The following PKHD1 variants were observed in gnomAD, a reference collection of about 807,000 sequenced individuals.
The protein encoded by PKHD1 is fibrocystin.
PKHD1 carries 291 observed loss-of-function variants against 412.0 expected under a neutral mutation model. The observed-to-expected ratio is 0.71, with a 90% CI of 0.64 to 0.78. The LOEUF is 0.78. Among genes scored for constraint, PKHD1 ranks in the 30% least tolerant of loss-of-function variants. The pLI is 0.00. For synonymous variants in PKHD1, 1,777 were observed against 1,821.5 expected (o/e 0.98, Z 0.62); for missense variants, 4,825 against 4,950.7 (o/e 0.97, Z 0.76).
intron 36 of PKHD1, among the ~76,000 whole-genome samples, chr6:51,957,357 T>C (rs1791302757): frequency 6.6e-6 from 1 of 152,130 alleles, no homozygotes; most frequent in Admixed American, 6.6e-5. Context: ...TTCTATCTCA[T>C]GGTAAGCCCT....
intron 43 of PKHD1, among the ~76,000 whole-genome samples, chr6:51,896,203 C>A (rs1247917230): frequency 2.0e-5 from 3 of 151,308 alleles, no homozygotes; most frequent in African/African-American, 7.4e-5. Flanking sequence ...GTAGGCTCCA[C>A]CTCTGGGGGC....
At position 52,024,854 on chromosome 6, in the gene PKHD1, A is replaced by G. The variant is rs752133893; in HGVS notation, c.4956T>C (p.Tyr1652=). The G allele has an allele frequency of 2.5e-6, 4 of 1,614,094 alleles. No homozygotes were observed. The highest frequency in any genetic ancestry group is 3.3e-5 in the Admixed American group (2 of 59,998). ...TCAATTCTGGGGTAAAGGCCTTGTT[A>G]TAACCAATGACTCCTATGTGATACC... ...GLWYHIGVIG[Y]NKAFTPELIS... Residue 1652 remains tyrosine, a synonymous_variant, in exon 32 of 67, where the codon TAT becomes TAC. Transcript: ENST00000371117.
At chr6:51,968,504 T>C (rs1793180090) in intron 35 of PKHD1, among the ~76,000 whole-genome samples, 1 of 152,206 alleles carries the variant, frequency 6.6e-6, no homozygotes, top group Admixed American at 6.6e-5. Context: ...CCTTACATTT[T>C]GATCAGAACC....
At chr6:51,947,653 C>A (rs1426822518) in intron 36 of PKHD1, among the ~76,000 whole-genome samples, 1 of 152,138 alleles carries the variant, frequency 6.6e-6, no homozygotes, top group Admixed American at 6.5e-5. Flanking sequence ...ATCATCCCAA[C>A]CACTGACACT....
chr6:51,800,823 A>G (rs980837656), intron 52 of PKHD1, among the ~76,000 whole-genome samples: 4 of 152,200 alleles, frequency 2.6e-5, no homozygotes, highest in African/African-American at 9.6e-5. Flanking sequence ...TTGTCAGGAA[A>G]GCAGCCTGTA....
chr6:51,836,525 G>A (rs1769257295), intron 50 of PKHD1, 56 bp from the exon 51 acceptor site: 6 of 1,230,886 alleles, frequency 4.9e-6, no homozygotes. Context: ...TAATATTAAA[G>A]ACAGTCACAC....
At chr6:52,077,530 A>G (rs1327438906) in intron 5 of PKHD1, among the ~76,000 whole-genome samples, 1 of 152,222 alleles carries the variant, frequency 6.6e-6, no homozygotes, top group Non-Finnish European at 1.5e-5. Flanking sequence ...CCAGCACCTC[A>G]GGAGTCTACC....
intron 16 of PKHD1, 33 bp downstream of exon 16, chr6:52,058,290 T>C: frequency 3.1e-6 from 5 of 1,611,990 alleles, no homozygotes; most frequent in Non-Finnish European, 4.2e-6. Context: ...CCTTCCAGAG[T>C]TCAGCTCCAT....
intron 35 of PKHD1, among the ~76,000 whole-genome samples, chr6:51,962,192 AT>A (rs1340918483): frequency 6.6e-6 from 1 of 152,140 alleles, no homozygotes; most frequent in Non-Finnish European, 1.5e-5. Flanking sequence ...CTTCAGCAGC[AT>A]AACGCTTTCT....
chr6:51,884,561 T>C (rs1777902196), intron 45 of PKHD1, among the ~76,000 whole-genome samples: 2 of 152,332 alleles, frequency 1.3e-5, no homozygotes, highest in South Asian at 4.1e-4. Flanking sequence ...TTCTTCACTA[T>C]AAAAGTGCAA....
At chr6:51,770,013 TTTA>T (rs1789799821) in intron 55 of PKHD1, among the ~76,000 whole-genome samples, 1 of 143,484 alleles carries the variant, frequency 7.0e-6, no homozygotes, top group African/African-American at 2.8e-5. Flanking sequence ...ATTATTAAAA[TTTA>T]TTAAGGTAAT....
chr6:51,737,473 T>A (rs1783998663), intron 60 of PKHD1, among the ~76,000 whole-genome samples: 1 of 152,214 alleles, frequency 6.6e-6, no homozygotes, highest in Non-Finnish European at 1.5e-5. Context: ...TTCCTGAATC[T>A]TTTTAGCTAA....
intron 60 of PKHD1, among the ~76,000 whole-genome samples, chr6:51,670,631 T>C (rs1774770846): frequency 6.6e-6 from 1 of 152,094 alleles, no homozygotes; most frequent in Non-Finnish European, 1.5e-5. Flanking sequence ...TCATGCAGTT[T>C]CTTCCTAGTC....
Position 51,791,299 on chromosome 6 carries a change from C to T in PKHD1, c.8377G>A (p.Val2793Met). 6.2e-7 allele frequency: 1 copy of T among 1,613,906 alleles called. No individual in the cohort carries two copies. Reference protein sequence around the residue: ...LYVMGTLDFPVDRSNVLSVAC... With the variant: ...LYVMGTLDFPMDRSNVLSVAC... Reference sequence around the variant, plus strand: ...ACACTCAGAACATTGCTTCTGTCCACAGGGAAGTCTAAGGTCCCCATCACA... The same window carrying T: ...ACACTCAGAACATTGCTTCTGTCCATAGGGAAGTCTAAGGTCCCCATCACA... The change falls in exon 53 of 67, where the codon GTG (valine) becomes ATG (methionine). Residue 2793 changes from valine to methionine, a missense_variant. Physicochemically the swap from Val to Met is conservative, Grantham distance 21. Coordinates refer to ENST00000371117, the MANE Select transcript of PKHD1 (RefSeq NM_138694.4).
intron 35 of PKHD1, among the ~76,000 whole-genome samples, chr6:51,989,412 G>C (rs984823746): frequency 3.3e-5 from 5 of 152,144 alleles, no homozygotes; most frequent in Non-Finnish European, 7.4e-5. Flanking sequence ...TTTTATTCCT[G>C]CCTTTCCAAA....
rs551584218 is a variant in PKHD1 at position 51,937,186 on chromosome 6, T to C, written c.5909-2864A>G. On this transcript the variant is annotated intron_variant, in intron 36 of 66. Transcript: ENST00000371117. The stretch of plus-strand genomic sequence containing the variant: ...TTAATAAGTTAACTCTTTCAACCAA[T>C]TGCCAGTCAGAAAATCTTTGAATCC... Among the ~76,000 whole-genome samples, 8 of 152,310 alleles carry C rather than the reference T, an allele frequency of 5.3e-5. No homozygotes were observed. The South Asian group carries it at 1.5e-3, about 28-fold the overall frequency.
intron 52 of PKHD1, among the ~76,000 whole-genome samples, chr6:51,819,149 T>C (rs190427872): frequency 1.2e-4 from 18 of 152,254 alleles, no homozygotes; most frequent in Admixed American, 1.1e-3. Flanking sequence ...TTTCCCTGAA[T>C]CCTCAGCATG....
chr6:51,697,187 T>C (rs932446222), intron 60 of PKHD1, among the ~76,000 whole-genome samples: 2 of 150,322 alleles, frequency 1.3e-5, no homozygotes, highest in South Asian at 4.2e-4. Flanking sequence ...CTCAAATAAA[T>C]AAATAAATAA....
chr6:51,619,882 T>C (rs1766394297), intron 66 of PKHD1, among the ~76,000 whole-genome samples: 1 of 152,218 alleles, frequency 6.6e-6, no homozygotes, highest in Non-Finnish European at 1.5e-5. Flanking sequence ...CACACCTGTG[T>C]TAAGAGATAT....
Sources: allele counts gnomAD v4.1 joint callset (sites outside exome capture counted in the v4.1 genomes callset), GRCh38; gene constraint gnomAD v4.1.1; transcripts MANE v1.5; gene names NCBI Gene and HGNC (gene_info 2026-07-23, HGNC 2026-07-21).